Variants in ARNT2 observed in about 807,000 individuals in gnomAD.
ARNT2 encodes the protein aryl hydrocarbon receptor nuclear translocator 2, also known as ARNT protein 2.
Under a neutral mutation model 91.7 loss-of-function variants are expected in ARNT2, and 36 were observed. The ratio of observed to expected loss-of-function variants is 0.39; its 90% CI spans 0.30 to 0.52. ARNT2 has a LOEUF of 0.52. Among genes scored for constraint, ARNT2 ranks in the 20% least tolerant of loss-of-function variants. ARNT2 has a pLI of 0.72. For synonymous variants in ARNT2, 365 were observed against 347.1 expected, an observed-to-expected ratio of 1.05 and a Z score of -0.57; for missense variants, 775 against 939.3, an observed-to-expected ratio of 0.83 and a Z score of 2.29.
chr15:80,450,991 C>T lies in ARNT2; in HGVS notation c.143C>T (p.Ser48Phe). 1 of 1,613,476 alleles carries T rather than the reference C, an allele frequency of 6.2e-7. No individual in the cohort carries two copies. The highest frequency in any genetic ancestry group is 8.5e-7 in the Non-Finnish European group (1 of 1,179,780). ...CCTGCCCGTGGAGGAAAGCGGCGTT[C>T]CGGGTAAGCGACCTCAGCGTTTCCA... The part of the protein sequence containing the change: ...AMPARGGKRR[S>F]GMDFDDEDGE... The change falls in exon 2 of 19, where the codon TCC becomes TTC. Residue 48 changes from serine to phenylalanine, a missense_variant. Ser to Phe is a radical substitution (Grantham distance 155). This residue lies in a region of ARNT2 where 79 missense variants were observed against 83.8 expected (regional missense o/e 0.94). Transcript: ENST00000303329.
chr15:80,575,784 C>T (rs1197602615), intron 14 of ARNT2, among the ~76,000 whole-genome samples: 1 of 152,178 alleles, frequency 6.6e-6, no homozygotes, highest in Non-Finnish European at 1.5e-5. Context: ...AGGGCTGTTC[C>T]CTGGACATCA....
Position 80,452,844 on chromosome 15 carries a change from C to T in ARNT2, c.146+1850C>T, listed in dbSNP as rs569566978. 1.1e-4 allele frequency among the ~76,000 whole-genome samples: 16 copies of T among 152,356 alleles called. No individual in the cohort carries two copies. In the South Asian group the frequency reaches 3.3e-3, roughly 32 times the overall value. On this transcript the variant is annotated intron_variant, in intron 2 of 18. Transcript: ENST00000303329. ...GGTGAGCCGAGGCTGCTTCCCTCCT[C>T]GGCCTCCATGTTTCTGACCCCAGCC...
intron 15 of ARNT2, chr15:80,580,073 C>T (rs1364032146): frequency 9.4e-6 from 2 of 212,138 alleles, no homozygotes; most frequent in Non-Finnish European, 1.9e-5. Context: ...AAGCTTCTCT[C>T]TTTCTGGGAA....
rs1893392342 is a variant in ARNT2, at chr15:80,597,446, C to G, written c.*3748C>G. On this transcript the variant is annotated 3_prime_UTR_variant, in exon 19 of 19. Transcript: ENST00000303329. ...GTCATTCCCCACCAAACACCCCATA[C>G]TAAGGAGCCATGAGCCACCTGGACA... is the stretch of plus-strand genomic sequence containing the variant. 2 of 346,558 alleles carry G rather than the reference C, an allele frequency of 5.8e-6. No homozygotes were observed. The highest frequency in any genetic ancestry group is 1.1e-5 in the Non-Finnish European group (2 of 174,470). 21.5% of individuals were successfully genotyped at this position (346,558 alleles called of 1,614,324 possible).
chr15:80,437,751 G>A (rs28414921), intron 1 of ARNT2, among the ~76,000 whole-genome samples: 35,411 of 152,066 alleles, frequency 0.23, 4,903 homozygotes, highest in African/African-American at 0.39. Context: ...CCACAGAGCC[G>A]AGCATTTCAC....
intron 12 of ARNT2, among the ~76,000 whole-genome samples, chr15:80,570,628 A>T (rs978623083): frequency 6.6e-6 from 1 of 152,162 alleles, no homozygotes; most frequent in African/African-American, 2.4e-5. Flanking sequence ...GGGAGATCAC[A>T]TGCTTTTGGT....
chr15:80,493,574 G>A (rs1330555927), intron 5 of ARNT2, among the ~76,000 whole-genome samples: 4 of 152,060 alleles, frequency 2.6e-5, no homozygotes. Flanking sequence ...TGATATGAGG[G>A]GGCTCTGCCT....
chr15:80,487,099 G>A lies in ARNT2; in HGVS notation c.622+11876G>A, dbSNP rs376789668. On this transcript the variant is annotated intron_variant, in intron 5 of 18. Transcript: ENST00000303329. ...TGGCAGGGCTTGGAATTCAGTCGCC[G>A]TGCAGACCCAGGCAGGCAGTTGAAT... Among the ~76,000 whole-genome samples the A allele has an allele frequency of 1.1e-4, 17 of 152,206 alleles. No individual in the cohort carries two copies. In the East Asian group the frequency reaches 1.4e-3, roughly 12 times the overall value.
In ARNT2 at chr15:80,591,721, C is replaced by T. The variant is rs1567010346; in HGVS notation, c.2055+17C>T. On this transcript the variant is annotated intron_variant, in intron 18 of 18. Coordinates refer to ENST00000303329, the MANE Select transcript of ARNT2 (RefSeq NM_014862.4). This position sits in a 1 kb window ranked among gnomAD's most constrained non-coding sequence, Gnocchi z 5.1. ...GTGTTCCAGGTAAATCGAGCGAGCA[C>T]CGCCTTCTCGTAGGTACCGGCGCCT... 6.2e-7 allele frequency: 1 copy of T among 1,613,518 alleles called. No homozygotes were observed. The highest frequency in any genetic ancestry group is 2.2e-5 in the East Asian group (1 of 44,846).
chr15:80,492,433 T>C (rs574053853), intron 5 of ARNT2, among the ~76,000 whole-genome samples: 34 of 152,350 alleles, frequency 2.2e-4, no homozygotes, highest in African/African-American at 8.2e-4. Flanking sequence ...GGTCCTTCAC[T>C]ACCTGATGTC....
intron 5 of ARNT2, among the ~76,000 whole-genome samples, chr15:80,482,360 G>T (rs1388732786): frequency 6.6e-6 from 1 of 152,152 alleles, no homozygotes; most frequent in Non-Finnish European, 1.5e-5. Flanking sequence ...ACCTTCCCAG[G>T]TGATTTTGAT....
intron 8 of ARNT2, among the ~76,000 whole-genome samples, chr15:80,528,225 G>A (rs1176568819): frequency 1.3e-5 from 2 of 151,756 alleles, no homozygotes; most frequent in East Asian, 1.9e-4. Flanking sequence ...GGGTGGGGAC[G>A]CTGGGATCCA....
rs1017581005 is a variant in ARNT2, at chr15:80,514,540, G to C, written c.877+135G>C. On this transcript the variant is annotated intron_variant, in intron 8 of 18. Transcript: ENST00000303329. ...TTTTTCTTTGTGGTTAGAACACAAT[G>C]ATCTTTGTAATTGGAAAACATCCTG... 4.4e-5 allele frequency: 33 copies of C among 751,534 alleles called. No homozygotes were observed. In the African/African-American group the frequency reaches 5.4e-4, roughly 12 times the overall value. The allele number at this position is 751,534 out of a possible 1,614,324, so 46.6% of individuals were successfully genotyped here. A position where few individuals can be genotyped will look rare whatever the true frequency, so the allele number is the denominator to read the frequency against.
intron 14 of ARNT2, among the ~76,000 whole-genome samples, chr15:80,575,457 G>A (rs1194940033): frequency 6.6e-6 from 1 of 152,210 alleles, no homozygotes; most frequent in Non-Finnish European, 1.5e-5. Context: ...GATGACCGAA[G>A]GAGGGAGAAC....
At chr15:80,434,018 C>G (rs1433737897) in intron 1 of ARNT2, 1 of 152,216 alleles carries the variant, frequency 6.6e-6, no homozygotes, top group Admixed American at 6.5e-5. Context: ...GACCTTCAGT[C>G]AAACAAGGTA....
intron 18 of ARNT2, among the ~76,000 whole-genome samples, chr15:80,592,349 A>G (rs143564389): frequency 9.4e-4 from 143 of 152,336 alleles, no homozygotes; most frequent in African/African-American, 3.2e-3. Flanking sequence ...TTTCAGCCAG[A>G]AACATTCCTA....
At chr15:80,490,169 T>A (rs948732980) in intron 5 of ARNT2, among the ~76,000 whole-genome samples, 8 of 152,110 alleles carry the variant, frequency 5.3e-5, no homozygotes, top group Admixed American at 4.6e-4. Flanking sequence ...CAGGCAAAGA[T>A]GTGATTCTGG....
intron 8 of ARNT2, among the ~76,000 whole-genome samples, chr15:80,545,017 A>G (rs1369132237): frequency 2.0e-5 from 3 of 152,132 alleles, no homozygotes; most frequent in African/African-American, 7.2e-5. Flanking sequence ...GCAGCAATAG[A>G]TGGACATGGG....
rs919731782 is a variant in ARNT2, at chr15:80,595,642, A to C, written c.*1944A>C. On this transcript the variant is annotated 3_prime_UTR_variant, in exon 19 of 19. Coordinates refer to ENST00000303329, the MANE Select transcript of ARNT2 (RefSeq NM_014862.4). ...GTTCCTAGACTCTAACTTAACCCCA[A>C]CTTTGCAGTTTCTAGAGCTTTTTGT... The C allele has an allele frequency of 6.6e-6, 1 of 152,176 alleles. No homozygotes were observed. Among genetic ancestry groups the C allele is most frequent in the Admixed American group, 6.5e-5 (1 of 15,282 alleles). The allele number at this position is 152,176 out of a possible 1,614,324, so 9.4% of individuals were successfully genotyped here.
Sources: gnomAD v4.1 joint callset for allele counts (sites outside exome capture counted in the v4.1 genomes callset) on GRCh38, gnomAD v4.1.1 for gene constraint, gnomAD v4.1.1 regional missense constraint, Gnocchi (gnomAD v3.1) non-coding constraint, MANE v1.5 for transcripts, NCBI Gene and HGNC (gene_info 2026-07-23, HGNC 2026-07-21) for gene names.